Variants in DYNC2H1 observed in about 807,000 individuals in gnomAD.
DYNC2H1 encodes dynein cytoplasmic 2 heavy chain 1.
A neutral mutation model predicts 570.0 loss-of-function variants in DYNC2H1; 410 were observed. That is an observed-to-expected ratio of 0.72 (90% CI 0.66 to 0.78). The LOEUF is 0.78. Ranked by LOEUF, DYNC2H1 falls within the 30% of genes least tolerant of loss-of-function variation. The probability of loss-of-function intolerance (pLI) is 0.00; values close to 1 mark genes in which losing one functional copy is unlikely to be tolerated. For missense variants in DYNC2H1, 4,865 were observed against 5,046.4 expected, an observed-to-expected ratio of 0.96 and a Z score of 1.09; for synonymous variants, 1,688 against 1,677.6, an observed-to-expected ratio of 1.01 and a Z score of -0.15.
At chr11:103,458,129 C>A (rs1043226653) in intron 87 of DYNC2H1, among the ~76,000 whole-genome samples, 5 of 152,180 alleles carry the variant, frequency 3.3e-5, no homozygotes, top group Non-Finnish European at 5.9e-5. Flanking sequence ...GAGCAACTTG[C>A]ATTCTTTCAA....
chr11:103,156,294 G>A, intron 25 of DYNC2H1, 94 bp from the exon 26 acceptor site: 1 of 1,272,790 alleles, frequency 7.9e-7, no homozygotes. Context: ...TGAAAAGCCA[G>A]ATAAAATATA....
chr11:103,159,025 C>T lies in DYNC2H1; in HGVS notation c.4376C>T (p.Ala1459Val). ...CAGTCTCACCTGAAGAAGCTTTTTG[C>T]TGGTAGGATTCAACATTTATTTAAC... ...VIQSHLKKLF[A>V]GINSVCFDEK... The change falls in exon 28 of 89, where the codon GCT becomes GTT. Residue 1459 changes from alanine (A) to valine (V), a missense_variant and splice_region_variant. Physicochemically the swap from Ala to Val is moderately conservative, Grantham distance 64 (BLOSUM62 0). This residue lies in a region of DYNC2H1 where 1,936 missense variants were observed against 1,962.1 expected (regional missense o/e 0.99). Transcript: ENST00000375735. The T allele has an allele frequency of 3.1e-6, 5 of 1,607,724 alleles. No homozygotes were observed. The highest frequency in any genetic ancestry group is 4.3e-6 in the Non-Finnish European group (5 of 1,176,086).
At position 103,153,377 on chromosome 11, in the gene DYNC2H1, T is replaced by G; in HGVS notation, c.3171T>G (p.Arg1057=). The change falls in exon 22 of 89, where the codon CGT becomes CGG. Residue 1057 remains arginine, a synonymous_variant. Transcript: ENST00000375735. ...AAGAACTGGAAAAATTTAAAGCTCG[T>G]TGGGACCAACTAAAGCCTGGTGATG... is the stretch of plus-strand genomic sequence containing the variant. The part of the protein sequence containing the change: ...YYQELEKFKA[R]WDQLKPGDDV... 1 of 1,551,068 alleles carries G rather than the reference T, an allele frequency of 6.4e-7. No individual in the cohort carries two copies. The highest frequency in any genetic ancestry group is 8.7e-7 in the Non-Finnish European group (1 of 1,147,100).
At chr11:103,316,857 T>C in intron 80 of DYNC2H1, among the ~76,000 whole-genome samples, 1 of 152,134 alleles carries the variant, frequency 6.6e-6, no homozygotes, top group East Asian at 1.9e-4. Context: ...GTTTTCACTT[T>C]GTGGCTTTCA....
intron 82 of DYNC2H1, among the ~76,000 whole-genome samples, chr11:103,343,828 A>C (rs1939604275): frequency 6.6e-6 from 1 of 152,158 alleles, no homozygotes; most frequent in Non-Finnish European, 1.5e-5. Flanking sequence ...AGACAAACAA[A>C]TCTCCCCAAA....
chr11:103,365,595 A>G (rs1414707366), intron 83 of DYNC2H1, among the ~76,000 whole-genome samples: 1 of 152,224 alleles, frequency 6.6e-6, no homozygotes, highest in Non-Finnish European at 1.5e-5. Flanking sequence ...CTCATTGTTT[A>G]GATCTGGGCT....
At position 103,138,614 on chromosome 11, in the gene DYNC2H1, C is replaced by T. The variant is rs1443006787; in HGVS notation, c.2574+2666C>T. Among the ~76,000 whole-genome samples the T allele has an allele frequency of 1.3e-5, 2 of 152,178 alleles. 1 individual carries two copies. Among genetic ancestry groups the T allele is most frequent in the Admixed American group, 1.3e-4 (2 of 15,270 alleles). On this transcript the variant is annotated intron_variant, in intron 17 of 88. Transcript: ENST00000375735. ...TTGATGTGCTCCTGGATTTGGTTTG[C>T]CAGTATTTTATTGAGGATTTTTACA... is the stretch of plus-strand genomic sequence containing the variant.
In DYNC2H1 at chr11:103,135,553, A is replaced by C; in HGVS notation, c.2264A>C (p.Lys755Thr). The C allele has an allele frequency of 6.2e-7, 1 of 1,612,310 alleles. No individual in the cohort carries two copies. The highest frequency in any genetic ancestry group is 1.1e-5 in the South Asian group (1 of 90,480). ...CAACACTGGAATCATCAACTGTACAAAGCTCTGGAGCATCAGTACCAGATG... is the reference window on the plus strand; with the variant it reads ...CAACACTGGAATCATCAACTGTACACAGCTCTGGAGCATCAGTACCAGATG... ...WKQHWNHQLY[K>T]ALEHQYQMGL... Residue 755 changes from lysine to threonine, a missense_variant, in exon 16 of 89, where the codon AAA becomes ACA. Around this residue, in one of 5 missense-constraint regions of DYNC2H1, gnomAD observed 1,936 missense variants for 1,962.1 expected, o/e 0.99. Coordinates refer to ENST00000375735, the MANE Select transcript of DYNC2H1 (RefSeq NM_001377.3).
At chr11:103,262,203 A>G (rs1865324605) in intron 70 of DYNC2H1, among the ~76,000 whole-genome samples, 2 of 152,232 alleles carry the variant, frequency 1.3e-5, no homozygotes, top group African/African-American at 4.8e-5. Flanking sequence ...GGACTATGTG[A>G]AAAGACTAAA....
At chr11:103,121,757 T>A (rs557820977) in intron 10 of DYNC2H1, among the ~76,000 whole-genome samples, 3 of 152,136 alleles carry the variant, frequency 2.0e-5, no homozygotes, top group African/African-American at 4.8e-5. Context: ...GAGGAAAACA[T>A]CCTTTATGCT....
intron 88 of DYNC2H1, 112 bp downstream of exon 88, chr11:103,468,817 C>T: frequency 2.6e-6 from 2 of 766,842 alleles, no homozygotes; most frequent in Non-Finnish European, 4.0e-6. Flanking sequence ...TCTAATCTCA[C>T]CTGCATTTGA....
chr11:103,350,286 GA>G (rs1440476727), intron 82 of DYNC2H1, among the ~76,000 whole-genome samples: 1 of 151,980 alleles, frequency 6.6e-6, no homozygotes, highest in African/African-American at 2.4e-5. Context: ...AAAAACAGAA[GA>G]TACATATTGT....
rs1312308327 is a variant in DYNC2H1 at position 103,157,472 on chromosome 11, G to T, written c.4127+702G>T. ...CTTTCTGATTCCTATTTCAATAAATGGCCCAACCTAATTGCTGAAAGCAGA... is the reference window on the plus strand; with the variant it reads ...CTTTCTGATTCCTATTTCAATAAATTGCCCAACCTAATTGCTGAAAGCAGA... On this transcript the variant is annotated intron_variant, in intron 26 of 88. Coordinates refer to ENST00000375735, the MANE Select transcript of DYNC2H1 (RefSeq NM_001377.3). This position sits in a 1 kb window ranked among gnomAD's most constrained non-coding sequence, Gnocchi z 4.2. 6.6e-6 allele frequency among the ~76,000 whole-genome samples: 1 copy of T among 152,178 alleles called. No homozygotes were observed. Among genetic ancestry groups the T allele is most frequent in the African/African-American group, 2.4e-5 (1 of 41,438 alleles).
intron 70 of DYNC2H1, among the ~76,000 whole-genome samples, chr11:103,266,996 G>A (rs1865533607): frequency 1.3e-5 from 2 of 152,134 alleles, no homozygotes; most frequent in South Asian, 2.1e-4. Flanking sequence ...ACATACTCCG[G>A]TACCAAACCC....
At chr11:103,298,559 T>G (rs954482674) in intron 75 of DYNC2H1, among the ~76,000 whole-genome samples, 2 of 152,152 alleles carry the variant, frequency 1.3e-5, no homozygotes, top group African/African-American at 4.8e-5. Context: ...ACTTTTAAAA[T>G]CATACTATTT....
In DYNC2H1 at chr11:103,199,541, C is replaced by A; in HGVS notation, c.8088+65C>A. On this transcript the variant is annotated intron_variant, in intron 49 of 88. Transcript: ENST00000375735. The surrounding 1 kb of genome is among the most constrained non-coding windows in gnomAD (Gnocchi z 4.6). ...TTACATTGGTTATTACTCTAAACAT[C>A]TTTAAAGACCTAAAGGTTTAAAGAA... The A allele has an allele frequency of 1.4e-6, 2 of 1,380,024 alleles. No homozygotes were observed. Among genetic ancestry groups the A allele is most frequent in the South Asian group, 4.1e-5 (2 of 48,866 alleles). 85.5% of individuals were successfully genotyped at this position (1,380,024 alleles called of 1,614,324 possible).
chr11:103,341,990 A>G lies in DYNC2H1; in HGVS notation c.12040-16253A>G, dbSNP rs75504960. On this transcript the variant is annotated intron_variant, in intron 82 of 88. Coordinates refer to ENST00000375735, the MANE Select transcript of DYNC2H1 (RefSeq NM_001377.3). ...ACCCCTTCTCTACAAAAAATTAAAA[A>G]ACTAGCTGTGTGTGGTGGCATGTGC... 3.1e-3 allele frequency among the ~76,000 whole-genome samples: 477 copies of G among 152,260 alleles called. 3 individuals are homozygous for G. The highest frequency in any genetic ancestry group is 0.011 in the African/African-American group (452 of 41,548).
At position 103,152,208 on chromosome 11, in the gene DYNC2H1, A is replaced by T; in HGVS notation, c.3019A>T (p.Thr1007Ser). Residue 1007 changes from threonine to serine, a missense_variant, in exon 21 of 89, where the codon ACA (threonine) becomes TCA (serine). Transcript: ENST00000375735. ...LRTVAGGGLE[T>S]ISNLKAKWDK... ...AACTGTGGCTGGTGGAGGTTTAGAA[A>T]CAATTAGTAATTTGAAAGCCAAGTG... The T allele has an allele frequency of 6.2e-7, 1 of 1,609,786 alleles. No homozygotes were observed. The highest frequency in any genetic ancestry group is 8.5e-7 in the Non-Finnish European group (1 of 1,178,552).
Position 103,135,834 on chromosome 11 carries a change from A to G in DYNC2H1, c.2460A>G (p.Gly820=), listed in dbSNP as rs930915943. 3 of 1,613,226 alleles carry G rather than the reference A, an allele frequency of 1.9e-6. No individual in the cohort carries two copies. The highest frequency in any genetic ancestry group is 3.3e-4 in the Middle Eastern group (2 of 6,056). ...AGTTTAAGGGAGTGGGTGAGGCAGG[A>G]GATGAATCTATTTTTTCTATTATGA... ...PNQFKGVGEA[G]DESIFSIMID... Residue 820 remains glycine, a synonymous_variant, in exon 17 of 89, where the codon GGA becomes GGG. Coordinates refer to ENST00000375735, the MANE Select transcript of DYNC2H1 (RefSeq NM_001377.3).
Sources: gnomAD v4.1 joint callset for allele counts (sites outside exome capture counted in the v4.1 genomes callset) on GRCh38, gnomAD v4.1.1 for gene constraint, gnomAD v4.1.1 regional missense constraint, Gnocchi (gnomAD v3.1) non-coding constraint, MANE v1.5 for transcripts, NCBI Gene and HGNC (gene_info 2026-07-23, HGNC 2026-07-21) for gene names.